Variants in AGBL4 observed in about 807,000 individuals in gnomAD.
AGBL4 encodes the protein cytosolic carboxypeptidase 6.
In AGBL4, 58 loss-of-function variants were observed where a neutral mutation model predicts 66.4. That is an observed-to-expected ratio of 0.87 (90% confidence interval 0.71 to 1.09). The LOEUF (loss-of-function observed/expected upper bound fraction) is 1.09, where lower values mean the gene tolerates loss of function less well. Ranked by LOEUF, AGBL4 falls within the 50% of genes least tolerant of loss-of-function variation. The probability of loss-of-function intolerance (pLI) is 0.00; values close to 1 mark genes in which losing one functional copy is unlikely to be tolerated. For missense variants in AGBL4, 579 were observed against 631.0 expected, an observed-to-expected ratio of 0.92 and a Z score of 0.88; for synonymous variants, 234 against 222.9, an observed-to-expected ratio of 1.05 and a Z score of -0.44.
chr1:49,255,448 G>C (rs1310316685), intron 3 of AGBL4, among the ~76,000 whole-genome samples: 1 of 152,064 alleles, frequency 6.6e-6, no homozygotes, highest in Non-Finnish European at 1.5e-5. Flanking sequence ...AGAAATGCAA[G>C]TCAAAACCAC....
intron 1 of AGBL4, among the ~76,000 whole-genome samples, chr1:49,957,712 C>T (rs530268295): frequency 1.3e-5 from 2 of 151,768 alleles, no homozygotes; most frequent in Admixed American, 1.3e-4. Context: ...CCATTTGCTT[C>T]GTAGATCTTC....
At chr1:50,013,315 C>T (rs1557660521) in intron 1 of AGBL4, among the ~76,000 whole-genome samples, 1 of 152,112 alleles carries the variant, frequency 6.6e-6, no homozygotes, top group Non-Finnish European at 1.5e-5. Flanking sequence ...GAAAGTTTCT[C>T]TCGTGAAGCT....
At position 49,537,513 on chromosome 1, in the gene AGBL4, AG is replaced by A. The variant is rs778059764; in HGVS notation, c.282+159799del. ...ACACGAATATTTTATGCCTTTCAAA[AG>A]AAGGCACAAAACTGGCCAATAAGCA... On this transcript the variant is annotated intron_variant, in intron 3 of 13. Transcript: ENST00000371839. 1.6e-4 allele frequency among the ~76,000 whole-genome samples: 25 copies of A among 152,362 alleles called. No individual in the cohort carries two copies. In the South Asian group the frequency reaches 2.1e-3, roughly 13 times the overall value.
rs374018860 is a variant in AGBL4 at position 48,922,799 on chromosome 1, G to A, written c.595-55569C>T. The stretch of plus-strand genomic sequence containing the variant: ...CATTTCAAAGGAATATTCACATCAT[G>A]TCCAATTAATATCATTTAATTATTT... On this transcript the variant is annotated intron_variant, in intron 5 of 13. Coordinates refer to ENST00000371839, the MANE Select transcript of AGBL4 (RefSeq NM_032785.4). Among the ~76,000 whole-genome samples, 11 of 152,078 alleles carry A rather than the reference G, an allele frequency of 7.2e-5. No individual in the cohort carries two copies. The South Asian group carries it at 2.1e-3, about 29-fold the overall frequency.
At chr1:49,134,475 G>GCCCCCCCCC (rs57286157) in intron 4 of AGBL4, among the ~76,000 whole-genome samples, 18 of 112,702 alleles carry the variant, frequency 1.6e-4, no homozygotes, top group South Asian at 3.6e-4. Context: ...ATTTTGGAGG[G>GCCCCCCCCC]CCCCCCCCCC....
chr1:48,892,792 TG>T (rs1651098782), intron 5 of AGBL4, among the ~76,000 whole-genome samples: 1 of 152,216 alleles, frequency 6.6e-6, no homozygotes, highest in African/African-American at 2.4e-5. Flanking sequence ...CTTAGTGATT[TG>T]GGGGCCCAGG....
At chr1:48,624,687 C>T (rs1422941792) in intron 9 of AGBL4, among the ~76,000 whole-genome samples, 1 of 152,152 alleles carries the variant, frequency 6.6e-6, no homozygotes, top group African/African-American at 2.4e-5. Flanking sequence ...ATCCTTTGCA[C>T]TGGAGGGATT....
At chr1:49,081,667 A>T (rs1644811168) in intron 4 of AGBL4, among the ~76,000 whole-genome samples, 1 of 152,208 alleles carries the variant, frequency 6.6e-6, no homozygotes, top group African/African-American at 2.4e-5. Flanking sequence ...CTGCCCCATC[A>T]TTCTTTATTC....
chr1:49,300,094 G>C (rs1052562214), intron 3 of AGBL4, among the ~76,000 whole-genome samples: 2 of 152,082 alleles, frequency 1.3e-5, no homozygotes, highest in African/African-American at 2.4e-5. Context: ...ACCTTCTTTT[G>C]CTGACAATTT....
At chr1:49,286,371 G>T (rs1644409893) in intron 3 of AGBL4, among the ~76,000 whole-genome samples, 1 of 151,646 alleles carries the variant, frequency 6.6e-6, no homozygotes, top group Non-Finnish European at 1.5e-5. Flanking sequence ...GGGCAATTAG[G>T]CAGGAGAAGG....
At chr1:49,571,477 G>A (rs1367282299) in intron 3 of AGBL4, among the ~76,000 whole-genome samples, 1 of 151,978 alleles carries the variant, frequency 6.6e-6, no homozygotes, top group Non-Finnish European at 1.5e-5. Context: ...TTTTTAGGTA[G>A]GCCTTTAGGT....
chr1:49,358,237 C>T (rs1644060366), intron 3 of AGBL4, among the ~76,000 whole-genome samples: 1 of 152,110 alleles, frequency 6.6e-6, no homozygotes, highest in Non-Finnish European at 1.5e-5. Flanking sequence ...CATTCTTACA[C>T]ATACACCTCA....
At chr1:49,249,426 A>C (rs557505463) in intron 3 of AGBL4, among the ~76,000 whole-genome samples, 1 of 152,318 alleles carries the variant, frequency 6.6e-6, no homozygotes, top group African/African-American at 2.4e-5. Context: ...ATAGACATTT[A>C]TCAAAAAGAA....
At chr1:48,693,659 C>T (rs1236516642) in intron 6 of AGBL4, among the ~76,000 whole-genome samples, 1 of 152,196 alleles carries the variant, frequency 6.6e-6, no homozygotes, top group Admixed American at 6.5e-5. Flanking sequence ...AACTTCTTCA[C>T]AAGACCGCTG....
At chr1:48,979,442 C>A (rs1452535053) in intron 5 of AGBL4, among the ~76,000 whole-genome samples, 1 of 151,606 alleles carries the variant, frequency 6.6e-6, no homozygotes, top group Non-Finnish European at 1.5e-5. Context: ...GGGAGATAGA[C>A]ATTGATGAAA....
intron 4 of AGBL4, among the ~76,000 whole-genome samples, chr1:49,115,798 T>A (rs1240724990): frequency 6.6e-6 from 1 of 152,162 alleles, no homozygotes; most frequent in Admixed American, 6.5e-5. Flanking sequence ...GAAATTCAGA[T>A]AAATCTTACA....
rs1324245861 is a variant in AGBL4 at position 49,709,277 on chromosome 1, G to A, written c.158-11840C>T. On this transcript the variant is annotated intron_variant, in intron 2 of 13. Transcript: ENST00000371839. ...TGCCCAGAGAGGAGGAATCTAGAGA[G>A]GCAGTCTGGCTACAGCAGCTTTGTA... Among the ~76,000 whole-genome samples the A allele has an allele frequency of 2.0e-4, 30 of 152,218 alleles. 2 individuals are homozygous for A. The highest frequency in any genetic ancestry group is 2.0e-3 in the Admixed American group (30 of 15,284).
intron 3 of AGBL4, among the ~76,000 whole-genome samples, chr1:49,258,202 A>G (rs1652730972): frequency 6.6e-6 from 1 of 152,180 alleles, no homozygotes; most frequent in Non-Finnish European, 1.5e-5. Flanking sequence ...CACAAAGATG[A>G]GGAAAAAACA....
chr1:49,183,430 T>C (rs1646963000), intron 4 of AGBL4, among the ~76,000 whole-genome samples: 1 of 152,134 alleles, frequency 6.6e-6, no homozygotes, highest in African/African-American at 2.4e-5. Context: ...CCCATAAATG[T>C]GCCTTGCTCA....
Sources: allele counts gnomAD v4.1 joint callset (sites outside exome capture counted in the v4.1 genomes callset), GRCh38; gene constraint gnomAD v4.1.1; transcripts MANE v1.5; gene names NCBI Gene and HGNC (gene_info 2026-07-23, HGNC 2026-07-21).